The following TRIQK variants were observed in gnomAD, a reference collection of about 807,000 sequenced individuals.
TRIQK encodes the protein triple QxxK/R motif containing, also known as triple QxxK/R motif-containing protein.
A neutral mutation model predicts 10.8 loss-of-function variants in TRIQK; 10 were observed. The observed-to-expected ratio is 0.92, with a 90% CI of 0.57 to 1.57. The LOEUF (loss-of-function observed/expected upper bound fraction) is 1.57, where lower values mean the gene tolerates loss of function less well. TRIQK is among the 40% of genes most tolerant of loss of function. The pLI is 0.00. For synonymous variants in TRIQK, 33 were observed against 33.7 expected (o/e 0.98, Z 0.07); for missense variants, 107 against 97.7 (o/e 1.09, Z -0.40).
At chr8:92,922,335 T>C (rs1810234027) in intron 2 of TRIQK, 1 of 151,880 alleles carries the variant, frequency 6.6e-6, no homozygotes, top group Admixed American at 6.6e-5. Flanking sequence ...TATTTTAATC[T>C]TAATTGTGTG....
At chr8:92,902,270 A>T (rs776661770) in intron 3 of TRIQK, among the ~76,000 whole-genome samples, 2 of 152,118 alleles carry the variant, frequency 1.3e-5, no homozygotes, top group Non-Finnish European at 2.9e-5. Flanking sequence ...CCAGGATAGA[A>T]GACTTGCCTC....
intron 1 of TRIQK, among the ~76,000 whole-genome samples, chr8:92,981,748 C>T (rs1311282231): frequency 6.6e-6 from 1 of 151,834 alleles, no homozygotes; most frequent in Non-Finnish European, 1.5e-5. Context: ...ATTTCTGTGT[C>T]ATTTTGTTTT....
rs115376802 is a variant in TRIQK at position 93,001,849 on chromosome 8, T to C, written c.-181+15760A>G. On this transcript the variant is annotated intron_variant, in intron 1 of 4. Transcript: ENST00000520686. ...AGAATACACATTCTTCTCAACTACT[T>C]ATGGGCCATTCTCCAGGATAGATTA... Among the ~76,000 whole-genome samples the C allele has an allele frequency of 2.3e-3, 354 of 152,248 alleles. 1 individual carries two copies. Among genetic ancestry groups the C allele is most frequent in the African/African-American group, 8.1e-3 (337 of 41,560 alleles).
intron 1 of TRIQK, among the ~76,000 whole-genome samples, chr8:92,995,684 T>C (rs994805601): frequency 6.6e-6 from 1 of 152,108 alleles, no homozygotes; most frequent in East Asian, 1.9e-4. Context: ...ATTATCTATG[T>C]TTCTTCCAGA....
intron 4 of TRIQK, 81 bp from the exon 5 acceptor site, chr8:92,886,816 A>G: frequency 2.6e-6 from 2 of 769,724 alleles, no homozygotes; most frequent in Non-Finnish European, 4.4e-6. Context: ...TAAAATAACC[A>G]TATTGTTCCA....
At chr8:92,932,549 G>A (rs1810785248) in intron 2 of TRIQK, among the ~76,000 whole-genome samples, 1 of 151,784 alleles carries the variant, frequency 6.6e-6, no homozygotes, top group Non-Finnish European at 1.5e-5. Context: ...TTGGTGTGGA[G>A]GTGCTTTGAA....
At chr8:92,890,592 T>C (rs1816711879) in intron 4 of TRIQK, among the ~76,000 whole-genome samples, 2 of 151,754 alleles carry the variant, frequency 1.3e-5, no homozygotes, top group Admixed American at 6.6e-5. Context: ...AGCAAATGTA[T>C]AAAAAAGATG....
chr8:92,907,683 ATACTT>A (rs1408744744), intron 3 of TRIQK, among the ~76,000 whole-genome samples: 1 of 152,158 alleles, frequency 6.6e-6, no homozygotes, highest in Non-Finnish European at 1.5e-5. Context: ...TTTAAACAAA[ATACTT>A]TAAAAGCCAT....
intron 2 of TRIQK, among the ~76,000 whole-genome samples, chr8:92,952,418 A>AACACACACACACACAC (rs143129049): frequency 2.3e-4 from 34 of 148,106 alleles, no homozygotes; most frequent in African/African-American, 8.1e-4. Context: ...ACAAAGATAA[A>AACACACACACACACAC]ACACACACAC....
intron 2 of TRIQK, among the ~76,000 whole-genome samples, chr8:92,930,343 T>C (rs1190956979): frequency 7.7e-6 from 1 of 129,458 alleles, no homozygotes; most frequent in Non-Finnish European, 1.5e-5. Context: ...TGAGCCGGAA[T>C]TGAGCCACTG....
chr8:92,926,956 T>C (rs1810477615), intron 2 of TRIQK, among the ~76,000 whole-genome samples: 1 of 152,036 alleles, frequency 6.6e-6, no homozygotes. Context: ...GAAGCTGAAG[T>C]GGGAAGATCT....
At chr8:93,005,246 A>G (rs28377916) in intron 1 of TRIQK, among the ~76,000 whole-genome samples, 78,109 of 152,092 alleles carry the variant, frequency 0.51, 20,990 homozygotes, top group African/African-American at 0.66. Flanking sequence ...GAAGGTGAAG[A>G]GGAAGCAAGC....
upstream of TRIQK, among the ~76,000 whole-genome samples, chr8:92,966,882 C>A (rs1468215648): frequency 6.8e-6 from 1 of 146,930 alleles, no homozygotes; most frequent in Non-Finnish European, 1.5e-5. Context: ...TATGCAACCT[C>A]CAATTTAATT....
intron 3 of TRIQK, among the ~76,000 whole-genome samples, chr8:92,896,936 C>A (rs1808634726): frequency 6.6e-6 from 1 of 152,000 alleles, no homozygotes; most frequent in East Asian, 1.9e-4. Context: ...CCTGCCTCAG[C>A]CTCCCAAGTA....
intron 2 of TRIQK, among the ~76,000 whole-genome samples, chr8:92,918,782 C>T (rs115437132): frequency 2.0e-5 from 3 of 151,094 alleles, no homozygotes; most frequent in Non-Finnish European, 3.0e-5. Flanking sequence ...CTTACCCCCC[C>T]CCACAATTTT....
intron 2 of TRIQK, chr8:92,941,436 C>G (rs1034757096): frequency 2.0e-5 from 3 of 152,028 alleles, no homozygotes; most frequent in Non-Finnish European, 2.9e-5. Flanking sequence ...CTATGAGATA[C>G]AGCAAAAGCA....
intron 2 of TRIQK, among the ~76,000 whole-genome samples, chr8:92,933,186 G>T (rs948980921): frequency 6.6e-6 from 1 of 151,890 alleles, no homozygotes; most frequent in Non-Finnish European, 1.5e-5. Flanking sequence ...ATTCTACTAC[G>T]CCCTTTCCAC....
chr8:92,901,501 G>A (rs1201378234), intron 3 of TRIQK, among the ~76,000 whole-genome samples: 1 of 152,152 alleles, frequency 6.6e-6, no homozygotes, highest in African/African-American at 2.4e-5. Flanking sequence ...TAATTGAAAT[G>A]ATCATAGGGT....
intron 4 of TRIQK, among the ~76,000 whole-genome samples, chr8:92,887,560 C>T (rs1317076993): frequency 6.6e-6 from 1 of 150,736 alleles, no homozygotes; most frequent in African/African-American, 2.4e-5. Context: ...TATCATTTGA[C>T]TAAATCAAAA....
Sources: gnomAD v4.1 joint callset for allele counts (sites outside exome capture counted in the v4.1 genomes callset) on GRCh38, gnomAD v4.1.1 for gene constraint, MANE v1.5 for transcripts, NCBI Gene and HGNC (gene_info 2026-07-23, HGNC 2026-07-21) for gene names.